Variants in BIRC2 observed in about 807,000 individuals in gnomAD.
BIRC2 encodes the protein baculoviral IAP repeat-containing protein 2.
In BIRC2, 18 loss-of-function variants were observed where a neutral mutation model predicts 60.9. The observed-to-expected ratio is 0.30, with a 90% CI of 0.20 to 0.44. The LOEUF (loss-of-function observed/expected upper bound fraction) is 0.44, where lower values mean the gene tolerates loss of function less well. BIRC2 is among the 20% of genes least tolerant of loss of function. BIRC2 has a pLI of 1.00. For missense variants in BIRC2, 701 were observed against 728.5 expected (o/e 0.96, Z 0.43); for synonymous variants, 282 against 247.7 (o/e 1.14, Z -1.30).
At chr11:102,375,543 G>A (rs1296961879) in intron 6 of BIRC2, among the ~76,000 whole-genome samples, 1 of 152,176 alleles carries the variant, frequency 6.6e-6, no homozygotes, top group African/African-American at 2.4e-5. Flanking sequence ...CACTTTGGGA[G>A]GCCAAGACGG....
intron 5 of BIRC2, among the ~76,000 whole-genome samples, chr11:102,364,848 A>G (rs1486434826): frequency 6.6e-6 from 1 of 152,232 alleles, no homozygotes; most frequent in African/African-American, 2.4e-5. Context: ...CTCCCGTGTA[A>G]TAGACCTAGA....
intron 3 of BIRC2, among the ~76,000 whole-genome samples, chr11:102,352,992 A>G (rs1951380811): frequency 6.6e-6 from 1 of 152,176 alleles, no homozygotes; most frequent in Admixed American, 6.5e-5. Flanking sequence ...TTAATAATAT[A>G]TCAAGATAAA....
Position 102,368,517 on chromosome 11 carries a change from G to A in BIRC2, c.1335G>A (p.Glu445=). 6.2e-7 allele frequency: 1 copy of A among 1,613,370 alleles called. No homozygotes were observed. The highest frequency in any genetic ancestry group is 8.5e-7 in the Non-Finnish European group (1 of 1,179,796). The change falls in exon 6 of 9, where the codon GAG becomes GAA. Residue 445 remains glutamate (E), a synonymous_variant. Coordinates refer to ENST00000227758, the MANE Select transcript of BIRC2 (RefSeq NM_001166.5). ...LNAEDEKREE[E]KEKQAEEMAS... The stretch of plus-strand genomic sequence containing the variant: ...CTGAAGATGAAAAAAGAGAAGAGGA[G>A]AAGGAAAAACAAGCTGAAGAAATGG...
At chr11:102,376,698 C>T (rs1951718547) in intron 6 of BIRC2, among the ~76,000 whole-genome samples, 2 of 151,802 alleles carry the variant, frequency 1.3e-5, no homozygotes, top group South Asian at 4.2e-4. Flanking sequence ...AGGCTTGATT[C>T]TTAGGTAGTT....
chr11:102,372,612 G>A (rs1314919971), intron 6 of BIRC2, among the ~76,000 whole-genome samples: 3 of 145,602 alleles, frequency 2.1e-5, no homozygotes, highest in Admixed American at 6.9e-5. Context: ...TGGAATAGGT[G>A]TGGTGTGGTG....
intron 5 of BIRC2, among the ~76,000 whole-genome samples, chr11:102,365,059 A>C (rs921679542): frequency 1.3e-5 from 2 of 152,184 alleles, no homozygotes; most frequent in African/African-American, 4.8e-5. Context: ...CCCTAAGAAA[A>C]TAGAATCCAA....
chr11:102,352,062 T>C (rs1951369019), intron 3 of BIRC2, among the ~76,000 whole-genome samples: 1 of 152,118 alleles, frequency 6.6e-6, no homozygotes, highest in Admixed American at 6.5e-5. Context: ...TTCACCATTA[T>C]CCCATTCCCC....
chr11:102,358,468 G>T (rs778067579), intron 3 of BIRC2, among the ~76,000 whole-genome samples: 10 of 152,130 alleles, frequency 6.6e-5, no homozygotes, highest in Non-Finnish European at 1.2e-4. Context: ...TATTCAACCT[G>T]TATGTTAGAT....
chr11:102,378,097 G>A lies in BIRC2; in HGVS notation c.1771G>A (p.Val591Ile). Residue 591 changes from valine to isoleucine, a missense_variant, in exon 9 of 9, where the codon GTA (valine) becomes ATA (isoleucine). Val to Ile is a conservative substitution (Grantham distance 29, BLOSUM62 3). Coordinates refer to ENST00000227758, the MANE Select transcript of BIRC2 (RefSeq NM_001166.5). Reference sequence around the variant, plus strand: ...ATTTATTCCTTGTGGTCATCTGGTAGTATGCCAGGAATGTGCCCCTTCTCT... The same window carrying A: ...ATTTATTCCTTGTGGTCATCTGGTAATATGCCAGGAATGTGCCCCTTCTCT... ...VVFIPCGHLVVCQECAPSLRK... is the reference protein window; with the variant it reads ...VVFIPCGHLVICQECAPSLRK... 2 of 1,613,808 alleles carry A rather than the reference G, an allele frequency of 1.2e-6. No individual in the cohort carries two copies. The highest frequency in any genetic ancestry group is 1.7e-6 in the Non-Finnish European group (2 of 1,179,794).
At chr11:102,360,784 G>GTTTTTTTTTTTTGTT (rs200030086) in intron 3 of BIRC2, among the ~76,000 whole-genome samples, 22 of 129,376 alleles carry the variant, frequency 1.7e-4, no homozygotes, top group East Asian at 6.7e-4. Context: ...TGTTTTTTTT[G>GTTTTTTTTTTTTGTT]TTTTTTTTTT....
At chr11:102,364,174 T>TATACATAC (rs1389968594) in intron 5 of BIRC2, among the ~76,000 whole-genome samples, 2 of 78,120 alleles carry the variant, frequency 2.6e-5, no homozygotes, top group Non-Finnish European at 2.3e-5. Flanking sequence ...TATATATATA[T>TATACATAC]ACACACACAC....
At chr11:102,348,089 G>T (rs985778157) in intron 1 of BIRC2, among the ~76,000 whole-genome samples, 1 of 152,170 alleles carries the variant, frequency 6.6e-6, no homozygotes, top group Admixed American at 6.6e-5. Context: ...CTTTGAAATT[G>T]TAAGGGAATG....
intron 6 of BIRC2, among the ~76,000 whole-genome samples, chr11:102,375,353 G>A (rs770776103): frequency 2.0e-4 from 31 of 152,218 alleles, no homozygotes; most frequent in Non-Finnish European, 3.8e-4. Flanking sequence ...ATGTATTGGA[G>A]TATTGCGTTG....
intron 3 of BIRC2, among the ~76,000 whole-genome samples, chr11:102,358,468 G>A (rs778067579): frequency 2.6e-5 from 4 of 152,130 alleles, no homozygotes; most frequent in Non-Finnish European, 4.4e-5. Context: ...TATTCAACCT[G>A]TATGTTAGAT....
In BIRC2 at chr11:102,362,981, A is replaced by G. The variant is rs765443930; in HGVS notation, c.1074+7A>G. 5.0e-6 allele frequency: 8 copies of G among 1,585,788 alleles called. No homozygotes were observed. In the South Asian group the frequency reaches 7.8e-5, roughly 15 times the overall value. On this transcript the variant is annotated splice_region_variant and intron_variant, in intron 4 of 8. Transcript: ENST00000227758. The stretch of plus-strand genomic sequence containing the variant: ...TCCTCATCTTCTTGAACAGGTAAAT[A>G]CATTTTTAAAATTAACAACATTGAA...
intron 3 of BIRC2, among the ~76,000 whole-genome samples, chr11:102,352,803 G>A (rs1951379274): frequency 6.6e-6 from 1 of 152,162 alleles, no homozygotes; most frequent in African/African-American, 2.4e-5. Flanking sequence ...ATACATCACA[G>A]ATTATGTTTT....
At chr11:102,364,178 CACACACACAGAGAG>C (rs1951524401) in intron 5 of BIRC2, among the ~76,000 whole-genome samples, 3 of 62,748 alleles carry the variant, frequency 4.8e-5, no homozygotes, top group African/African-American at 1.8e-4. Flanking sequence ...TATATATACA[CACACACACAGAGAG>C]AGAGAGAGAG....
At chr11:102,355,077 T>G (rs1376194342) in intron 3 of BIRC2, among the ~76,000 whole-genome samples, 1 of 152,038 alleles carries the variant, frequency 6.6e-6, no homozygotes, top group East Asian at 1.9e-4. Context: ...TTTTGTCGAT[T>G]GTTTCCTTTG....
rs1043721881 is a variant in BIRC2, at chr11:102,361,651, A to G, written c.996-1245A>G. Among the ~76,000 whole-genome samples the G allele has an allele frequency of 3.9e-5, 6 of 152,082 alleles. No individual in the cohort carries two copies. In the South Asian group the frequency reaches 6.2e-4, roughly 16 times the overall value. On this transcript the variant is annotated intron_variant, in intron 3 of 8. Coordinates refer to ENST00000227758, the MANE Select transcript of BIRC2 (RefSeq NM_001166.5). The stretch of plus-strand genomic sequence containing the variant: ...TGAAACCTGCAGGAAGTCTGTGGCT[A>G]TCTTGAGGGTTATTGGAGGTCTCCA...
Sources: gnomAD v4.1 joint callset for allele counts (sites outside exome capture counted in the v4.1 genomes callset) on GRCh38, gnomAD v4.1.1 for gene constraint, MANE v1.5 for transcripts, NCBI Gene and HGNC (gene_info 2026-07-23, HGNC 2026-07-21) for gene names.